The following RBFOX1 variants were observed in gnomAD, a reference collection of about 807,000 sequenced individuals.
The protein encoded by RBFOX1 is RNA binding protein fox-1 homolog 1.
In RBFOX1, 8 loss-of-function variants were observed where a neutral mutation model predicts 57.7. The observed-to-expected ratio is 0.14, with a 90% CI of 0.08 to 0.25. The LOEUF (loss-of-function observed/expected upper bound fraction) is 0.25. RBFOX1 is among the 10% of genes least tolerant of loss of function. The probability of loss-of-function intolerance (pLI) is 1.00; values close to 1 mark genes in which losing one functional copy is unlikely to be tolerated. For missense variants in RBFOX1, 611 were observed against 548.5 expected, an observed-to-expected ratio of 1.11 and a Z score of -1.14; for synonymous variants, 326 against 222.4, an observed-to-expected ratio of 1.47 and a Z score of -4.15.
intron 3 of RBFOX1, among the ~76,000 whole-genome samples, chr16:7,009,658 C>G (rs755269706): frequency 1.3e-5 from 2 of 152,078 alleles, no homozygotes; most frequent in Admixed American, 1.3e-4. Context: ...GCACTTGTCA[C>G]CATAAAGAAT....
Position 7,575,495 on chromosome 16 carries a change from G to A in RBFOX1, c.271-4282G>A, listed in dbSNP as rs541466227. Among the ~76,000 whole-genome samples, 48 of 152,266 alleles carry A rather than the reference G, an allele frequency of 3.2e-4. No homozygotes were observed. In the South Asian group the frequency reaches 9.5e-3, roughly 30 times the overall value. ...TGGAGTTTCACCCCCGCAGAGGGAA[G>A]TAGGGACTGTGGACATTGAAGCAGA... is the stretch of plus-strand genomic sequence containing the variant. On this transcript the variant is annotated intron_variant, in intron 5 of 15. Transcript: ENST00000550418.
intron 2 of RBFOX1, among the ~76,000 whole-genome samples, chr16:6,517,882 C>T (rs2096412063): frequency 6.6e-6 from 1 of 152,056 alleles, no homozygotes; most frequent in African/African-American, 2.4e-5. Context: ...CTTATAAAGT[C>T]TGGGGCCTTA....
chr16:5,788,708 C>T (rs2054592348), intron 3 of RBFOX1, among the ~76,000 whole-genome samples: 1 of 152,088 alleles, frequency 6.6e-6, no homozygotes, highest in Non-Finnish European at 1.5e-5. Context: ...CTGTGAGCTC[C>T]TCAGCGAGTG....
At chr16:6,518,606 T>G (rs974725891) in intron 2 of RBFOX1, among the ~76,000 whole-genome samples, 1 of 152,194 alleles carries the variant, frequency 6.6e-6, no homozygotes, top group Non-Finnish European at 1.5e-5. Flanking sequence ...GACCACTTAC[T>G]GCCTCCAGCT....
chr16:7,494,497 C>T (rs2067950244), intron 4 of RBFOX1, among the ~76,000 whole-genome samples: 1 of 152,200 alleles, frequency 6.6e-6, no homozygotes, highest in South Asian at 2.1e-4. Context: ...CCCCTGCACA[C>T]TGCCATCCAA....
chr16:6,998,996 G>C (rs1461994046), intron 3 of RBFOX1, among the ~76,000 whole-genome samples: 3 of 151,472 alleles, frequency 2.0e-5, no homozygotes, highest in South Asian at 2.1e-4. Context: ...GGCATCCTGA[G>C]TAGCTGGAAT....
At chr16:7,688,033 C>A (rs1315570431) in intron 14 of RBFOX1, among the ~76,000 whole-genome samples, 2 of 151,974 alleles carry the variant, frequency 1.3e-5, no homozygotes, top group African/African-American at 4.8e-5. Context: ...TATTAAAAAA[C>A]AAAGTATTGG....
intron 3 of RBFOX1, among the ~76,000 whole-genome samples, chr16:6,737,736 A>T (rs915121134): frequency 1.3e-4 from 20 of 152,294 alleles, no homozygotes; most frequent in Admixed American, 5.9e-4. Flanking sequence ...TACACAAATG[A>T]TATATGGGAT....
intron 3 of RBFOX1, among the ~76,000 whole-genome samples, chr16:6,974,749 A>T (rs914590094): frequency 6.6e-6 from 1 of 152,056 alleles, no homozygotes; most frequent in African/African-American, 2.4e-5. Context: ...ACTGAAACTC[A>T]CCAGAGGCAG....
At chr16:7,156,455 A>G (rs941383625) in intron 4 of RBFOX1, among the ~76,000 whole-genome samples, 3 of 152,150 alleles carry the variant, frequency 2.0e-5, no homozygotes, top group South Asian at 2.1e-4. Flanking sequence ...ATATATGTGT[A>G]CATATACATG....
At chr16:7,477,416 G>T (rs1290582628) in intron 4 of RBFOX1, among the ~76,000 whole-genome samples, 1 of 152,080 alleles carries the variant, frequency 6.6e-6, no homozygotes, top group Non-Finnish European at 1.5e-5. Context: ...GGGGTCGGGG[G>T]GTGGTTGTGC....
chr16:5,337,117 G>A (rs146481188), intron 1 of RBFOX1, among the ~76,000 whole-genome samples: 4 of 152,290 alleles, frequency 2.6e-5, no homozygotes, highest in African/African-American at 7.2e-5. Context: ...GGCTGGGGAC[G>A]GCTGCTTCAA....
intron 2 of RBFOX1, among the ~76,000 whole-genome samples, chr16:6,473,238 G>T (rs1012125020): frequency 6.6e-6 from 1 of 152,102 alleles, no homozygotes; most frequent in Non-Finnish European, 1.5e-5. Flanking sequence ...AGTGAACATG[G>T]ATCACCCTCC....
chr16:6,097,939 T>C lies in RBFOX1; in HGVS notation c.-127+77947T>C, dbSNP rs529636788. Among the ~76,000 whole-genome samples the C allele has an allele frequency of 2.2e-4, 33 of 152,284 alleles. No homozygotes were observed. In the South Asian group the frequency reaches 6.8e-3, roughly 32 times the overall value. Reference sequence around the variant, plus strand: ...AGCATCAATGAGTCCTGGAGGGCTTTTAAACCATAGATGATCAGGGCCCCT... The same window carrying C: ...AGCATCAATGAGTCCTGGAGGGCTTCTAAACCATAGATGATCAGGGCCCCT... On this transcript the variant is annotated intron_variant, in intron 1 of 15. Transcript: ENST00000550418. This position sits in a 1 kb window ranked among gnomAD's most constrained non-coding sequence, Gnocchi z 5.0.
chr16:5,414,368 T>C (rs1395547431), intron 1 of RBFOX1, among the ~76,000 whole-genome samples: 1 of 152,192 alleles, frequency 6.6e-6, no homozygotes, highest in Non-Finnish European at 1.5e-5. Flanking sequence ...GGGTGGGTAT[T>C]TTCCTCTCTG....
intron 3 of RBFOX1, among the ~76,000 whole-genome samples, chr16:5,657,490 T>C (rs188864373): frequency 2.6e-5 from 4 of 152,204 alleles, no homozygotes; most frequent in African/African-American, 9.6e-5. Flanking sequence ...ACAGCCCGAC[T>C]CTAGGGTTTA....
At chr16:5,623,913 T>A (rs1045810365) in intron 3 of RBFOX1, among the ~76,000 whole-genome samples, 1 of 152,202 alleles carries the variant, frequency 6.6e-6, no homozygotes, top group Admixed American at 6.5e-5. Flanking sequence ...TGGTTTTTTA[T>A]TATTCACAGA....
intron 3 of RBFOX1, among the ~76,000 whole-genome samples, chr16:5,842,732 A>G (rs1326148867): frequency 6.6e-6 from 1 of 152,224 alleles, no homozygotes; most frequent in Admixed American, 6.5e-5. Flanking sequence ...TTAGTCCCAT[A>G]ATAATAACAA....
At chr16:5,998,276 T>C (rs1440598274) in intron 4 of RBFOX1, among the ~76,000 whole-genome samples, 1 of 152,252 alleles carries the variant, frequency 6.6e-6, no homozygotes, top group Non-Finnish European at 1.5e-5. Context: ...TGATAGTCTC[T>C]GATATTCTCA....
Sources: gnomAD v4.1 joint callset for allele counts (sites outside exome capture counted in the v4.1 genomes callset) on GRCh38, gnomAD v4.1.1 for gene constraint, Gnocchi (gnomAD v3.1) non-coding constraint, MANE v1.5 for transcripts, NCBI Gene and HGNC (gene_info 2026-07-23, HGNC 2026-07-21) for gene names.